RASSF2: variants seen among roughly 807,000 people sequenced by gnomAD.
RASSF2 encodes the protein Ras association domain family member 2.
RASSF2 carries 34 observed loss-of-function variants against 46.3 expected under a neutral mutation model. The observed-to-expected ratio is 0.73, with a 90% CI of 0.56 to 0.98. The LOEUF (loss-of-function observed/expected upper bound fraction) is 0.98, where lower values mean the gene tolerates loss of function less well. RASSF2 is among the 50% of genes least tolerant of loss of function. The pLI, the probability that RASSF2 is intolerant of heterozygous loss-of-function variation, is 0.00. For synonymous variants in RASSF2, 158 were observed against 162.5 expected, an observed-to-expected ratio of 0.97 and a Z score of 0.21; for missense variants, 364 against 431.2, an observed-to-expected ratio of 0.84 and a Z score of 1.38.
At position 4,783,258 on chromosome 20, in the gene RASSF2, G is replaced by C. The variant is rs3803969; in HGVS notation, c.*1015C>G. On this transcript the variant is annotated 3_prime_UTR_variant, in exon 12 of 12. Coordinates refer to ENST00000379400, the MANE Select transcript of RASSF2 (RefSeq NM_014737.3). ...GCAGGAAGACCTTTGATGACATGAA[G>C]ATGGGCTGCGTTCAAGGCACCTGTC... The C allele has an allele frequency of 0.11, 17,182 of 152,306 alleles. 971 individuals are homozygous for C. Among genetic ancestry groups the C allele is most frequent in the East Asian group, 0.19 (981 of 5,174 alleles). The allele number at this position is 152,306 out of a possible 1,614,324, so 9.4% of individuals were successfully genotyped here.
chr20:4,791,602 T>C lies in RASSF2; in HGVS notation c.376+937A>G, dbSNP rs980681503. On this transcript the variant is annotated intron_variant, in intron 6 of 11. Transcript: ENST00000379400. ...TAAAATATATTTAATCCACGTAATA[T>C]AAAAAAGATTTTGCAAACTGACAAT... is the stretch of plus-strand genomic sequence containing the variant. Among the ~76,000 whole-genome samples, 4 of 152,154 alleles carry C rather than the reference T, an allele frequency of 2.6e-5. No homozygotes were observed. The East Asian group carries it at 7.7e-4, about 29-fold the overall frequency.
chr20:4,799,399 C>T (rs979732138), intron 3 of RASSF2, among the ~76,000 whole-genome samples: 2 of 152,086 alleles, frequency 1.3e-5, no homozygotes, highest in South Asian at 2.1e-4. Context: ...ATGAGAGGGG[C>T]GAGAGGTGGA....
chr20:4,812,033 A>G lies in RASSF2; in HGVS notation c.-33+10296T>C, dbSNP rs1007569636. ...CGCTTCGGACCCCTTGTAGTGGGGC[A>G]GGAAGCGGTGTGGATGGCAAACAGG... On this transcript the variant is annotated intron_variant, in intron 2 of 11. Coordinates refer to ENST00000379400, the MANE Select transcript of RASSF2 (RefSeq NM_014737.3). The surrounding 1 kb of genome is among the most constrained non-coding windows in gnomAD (Gnocchi z 4.0). Among the ~76,000 whole-genome samples the G allele has an allele frequency of 5.3e-5, 8 of 152,072 alleles. No homozygotes were observed. The highest frequency in any genetic ancestry group is 2.0e-4 in the Admixed American group (3 of 15,276).
chr20:4,804,013 A>G (rs1927130884), intron 2 of RASSF2, among the ~76,000 whole-genome samples: 1 of 152,190 alleles, frequency 6.6e-6, no homozygotes. Flanking sequence ...AGCCACAATC[A>G]CGCCACTGCA....
At chr20:4,802,352 C>T (rs1020163587) in intron 2 of RASSF2, among the ~76,000 whole-genome samples, 5 of 152,086 alleles carry the variant, frequency 3.3e-5, no homozygotes, top group African/African-American at 1.2e-4. Context: ...CCAAAACTGT[C>T]GACAGACACT....
At chr20:4,796,059 C>T in intron 4 of RASSF2, 93 bp from the exon 5 acceptor site, 2 of 1,388,644 alleles carry the variant, frequency 1.4e-6, no homozygotes, top group Non-Finnish European at 9.5e-7. Context: ...CTTCACATGT[C>T]CTGGCTGGGG....
intron 6 of RASSF2, among the ~76,000 whole-genome samples, chr20:4,792,286 G>C (rs1282375701): frequency 7.5e-6 from 1 of 133,244 alleles, no homozygotes; most frequent in African/African-American, 2.8e-5. Context: ...GGGAGGGGAG[G>C]GGGAAAGAAA....
chr20:4,782,419 A>G lies in RASSF2; in HGVS notation c.*1854T>C, dbSNP rs1924917680. 6.6e-6 allele frequency: 1 copy of G among 152,670 alleles called. No individual in the cohort carries two copies. Among genetic ancestry groups the G allele is most frequent in the Non-Finnish European group, 1.5e-5 (1 of 68,050 alleles). 9.5% of individuals were successfully genotyped at this position (152,670 alleles called of 1,614,324 possible). A position where few individuals can be genotyped will look rare whatever the true frequency, so the allele number is the denominator to read the frequency against. ...GAACTGTTCTTTCCCAGCTGTAACA[A>G]AGGAAGCCTCTCCCGGTGGCTACTC... is the stretch of plus-strand genomic sequence containing the variant. On this transcript the variant is annotated 3_prime_UTR_variant, in exon 12 of 12. Transcript: ENST00000379400.
intron 3 of RASSF2, among the ~76,000 whole-genome samples, chr20:4,799,870 G>C (rs1482225248): frequency 6.6e-6 from 1 of 152,236 alleles, no homozygotes; most frequent in Non-Finnish European, 1.5e-5. Context: ...CCAGCACTTT[G>C]GGAGGCCAAG....
At chr20:4,807,650 C>A (rs1483152018) in intron 2 of RASSF2, among the ~76,000 whole-genome samples, 3 of 152,322 alleles carry the variant, frequency 2.0e-5, no homozygotes, top group Non-Finnish European at 2.9e-5. Flanking sequence ...AGGGCTCAGC[C>A]ACTCTCTACC....
intron 2 of RASSF2, among the ~76,000 whole-genome samples, 162 bp from the exon 3 acceptor site, chr20:4,801,224 A>G (rs906803994): frequency 1.3e-5 from 2 of 152,148 alleles, no homozygotes; most frequent in Non-Finnish European, 2.9e-5. Context: ...GAGGGGCAAC[A>G]CTGCTGGCTG....
chr20:4,790,703 G>T lies in RASSF2; in HGVS notation c.377-92C>A. 1.1e-6 allele frequency: 1 copy of T among 918,974 alleles called. No homozygotes were observed. The highest frequency in any genetic ancestry group is 1.6e-6 in the Non-Finnish European group (1 of 640,874). The allele number at this position is 918,974 out of a possible 1,614,324, so 56.9% of individuals were successfully genotyped here. ...TGTGGCCAGTGCGACAGCACCCACTGTCTCCACAAATATATATTTTATACA... is the reference window on the plus strand; with the variant it reads ...TGTGGCCAGTGCGACAGCACCCACTTTCTCCACAAATATATATTTTATACA... On this transcript the variant is annotated intron_variant, in intron 6 of 11. Coordinates refer to ENST00000379400, the MANE Select transcript of RASSF2 (RefSeq NM_014737.3). This position sits in a 1 kb window ranked among gnomAD's most constrained non-coding sequence, Gnocchi z 4.3.
chr20:4,786,923 A>T (rs1925403046), intron 10 of RASSF2, among the ~76,000 whole-genome samples: 1 of 152,070 alleles, frequency 6.6e-6, no homozygotes, highest in Non-Finnish European at 1.5e-5. Flanking sequence ...TCTCTACTAA[A>T]AATACAAAAA....
intron 6 of RASSF2, among the ~76,000 whole-genome samples, chr20:4,791,414 G>A (rs1297749971): frequency 1.3e-5 from 2 of 152,024 alleles, no homozygotes; most frequent in East Asian, 1.9e-4. Flanking sequence ...GATGGTAAAC[G>A]TTATGTTATG....
At position 4,780,212 on chromosome 20, in the gene RASSF2, A is replaced by T. The variant is rs377760918; in HGVS notation, c.*4061T>A. Reference sequence around the variant, plus strand: ...ATGTACCATCGCTGAAAGGCAAGTTATAATTAAGAATACTTCACAAGGCTA... The same window carrying T: ...ATGTACCATCGCTGAAAGGCAAGTTTTAATTAAGAATACTTCACAAGGCTA... On this transcript the variant is annotated 3_prime_UTR_variant, in exon 12 of 12. Transcript: ENST00000379400. 4 of 152,252 alleles carry T rather than the reference A, an allele frequency of 2.6e-5. No homozygotes were observed. Among genetic ancestry groups the T allele is most frequent in the East Asian group, 1.9e-4 (1 of 5,198 alleles). The allele number at this position is 152,252 out of a possible 1,614,324, so 9.4% of individuals were successfully genotyped here.
intron 3 of RASSF2, among the ~76,000 whole-genome samples, chr20:4,799,851 C>T (rs141624395): frequency 1.1e-4 from 16 of 152,358 alleles, no homozygotes; most frequent in African/African-American, 3.8e-4. Flanking sequence ...GTGGCTCACG[C>T]CTGTAATCCC....
chr20:4,804,713 A>G (rs7267738), intron 2 of RASSF2, among the ~76,000 whole-genome samples: 55,254 of 152,032 alleles, frequency 0.36, 10,162 homozygotes, highest in East Asian at 0.51. Flanking sequence ...CCCCTTCTAC[A>G]CATGTATAAA....
At chr20:4,792,790 G>A (rs975178728) in intron 5 of RASSF2, among the ~76,000 whole-genome samples, 163 bp from the exon 6 acceptor site, 16 of 152,178 alleles carry the variant, frequency 1.1e-4, no homozygotes, top group Admixed American at 6.5e-4. Context: ...TGGGCTGCGC[G>A]GAGCATCCCG....
chr20:4,805,284 G>A (rs538347413), intron 2 of RASSF2, among the ~76,000 whole-genome samples: 1 of 152,236 alleles, frequency 6.6e-6, no homozygotes, highest in Admixed American at 6.5e-5. Context: ...TTATAAGAGG[G>A]AGGCTCTGCC....
Sources: gnomAD v4.1 joint callset for allele counts (sites outside exome capture counted in the v4.1 genomes callset) on GRCh38, gnomAD v4.1.1 for gene constraint, Gnocchi (gnomAD v3.1) non-coding constraint, MANE v1.5 for transcripts, NCBI Gene and HGNC (gene_info 2026-07-23, HGNC 2026-07-21) for gene names.